Variants in ANKRD12 observed in about 807,000 individuals in gnomAD.
The protein encoded by ANKRD12 is ankyrin repeat domain-containing protein 12.
In ANKRD12, 85 loss-of-function variants were observed where a neutral mutation model predicts 183.4. The ratio of observed to expected loss-of-function variants is 0.46; its 90% CI spans 0.39 to 0.56. The LOEUF (loss-of-function observed/expected upper bound fraction) is 0.56, where lower values mean the gene tolerates loss of function less well. ANKRD12 is among the 20% of genes least tolerant of loss of function. The pLI, the probability that ANKRD12 is intolerant of heterozygous loss-of-function variation, is 0.00. For synonymous variants in ANKRD12, 914 were observed against 800.2 expected (o/e 1.14, Z -2.40); for missense variants, 2,405 against 2,357.1 (o/e 1.02, Z -0.42).
At position 9,256,412 on chromosome 18, in the gene ANKRD12, G is replaced by T; in HGVS notation, c.3145G>T (p.Ala1049Ser). Residue 1049 changes from alanine to serine, a missense_variant, in exon 9 of 13, where the codon GCA (alanine) becomes TCA (serine). Transcript: ENST00000262126. The stretch of plus-strand genomic sequence containing the variant: ...TAGCTTACTCAAACTAAAATCTGAA[G>T]CAGATAAGCCTAAACCTAAGTCATC... Reference protein sequence around the residue: ...INSLLKLKSEADKPKPKSSPA... With the variant: ...INSLLKLKSESDKPKPKSSPA... 2 of 1,610,490 alleles carry T rather than the reference G, an allele frequency of 1.2e-6. No homozygotes were observed. Among genetic ancestry groups the T allele is most frequent in the Non-Finnish European group, 1.7e-6 (2 of 1,179,034 alleles).
intron 6 of ANKRD12, among the ~76,000 whole-genome samples, chr18:9,213,108 G>T (rs2035900643): frequency 6.6e-6 from 1 of 151,746 alleles, no homozygotes; most frequent in Admixed American, 6.6e-5. Context: ...TCTTGGTTTG[G>T]TATTTTATTT....
chr18:9,207,995 T>TGATG (rs2144593646), intron 4 of ANKRD12, among the ~76,000 whole-genome samples: 1 of 152,334 alleles, frequency 6.6e-6, no homozygotes, highest in South Asian at 2.1e-4. Context: ...GCTAACTTGA[T>TGATG]GATGGGTCAG....
chr18:9,256,973 G>T lies in ANKRD12; in HGVS notation c.3706G>T (p.Glu1236Ter), dbSNP rs764725509. Residue 1236 changes from glutamate (E) to a stop codon, truncating the protein, a stop_gained, in exon 9 of 13, where the codon GAG becomes TAG. Transcript: ENST00000262126. LOFTEE classifies it high-confidence loss of function. ...TGAGTATGACTCTGACTTTATGTTA[G>T]AGAGTTCAGAATCCCAAATGTCCTT... ...PVEYDSDFML[E>*]SSESQMSFSQ... 1 of 1,614,092 alleles carries T rather than the reference G, an allele frequency of 6.2e-7. No homozygotes were observed.
chr18:9,233,592 A>G (rs1263179247), intron 8 of ANKRD12, among the ~76,000 whole-genome samples: 1 of 152,038 alleles, frequency 6.6e-6, no homozygotes, highest in African/African-American at 2.4e-5. Flanking sequence ...CCCAAAGATT[A>G]TATCAATGGT....
chr18:9,209,099 T>C (rs2035639399), intron 5 of ANKRD12, among the ~76,000 whole-genome samples: 3 of 152,214 alleles, frequency 2.0e-5, no homozygotes, highest in Admixed American at 6.5e-5. Flanking sequence ...TTAACAGTCA[T>C]TTTATATTTC....
chr18:9,281,792 G>A lies in ANKRD12; in HGVS notation c.*666G>A, dbSNP rs760706280. The stretch of plus-strand genomic sequence containing the variant: ...ACCAAAGTTGTGGTTTGTATGGAGT[G>A]TAGTAGTAGTGTGTACAGGTAGAAA... On this transcript the variant is annotated 3_prime_UTR_variant, in exon 13 of 13. Coordinates refer to ENST00000262126, the MANE Select transcript of ANKRD12 (RefSeq NM_015208.5). The A allele has an allele frequency of 1.3e-5, 2 of 152,646 alleles. No individual in the cohort carries two copies. The highest frequency in any genetic ancestry group is 2.4e-5 in the African/African-American group (1 of 41,446). 9.5% of individuals were successfully genotyped at this position (152,646 alleles called of 1,614,324 possible).
At chr18:9,172,947 G>A (rs192778379) in intron 1 of ANKRD12, among the ~76,000 whole-genome samples, 2 of 151,928 alleles carry the variant, frequency 1.3e-5, no homozygotes, top group East Asian at 3.9e-4. Flanking sequence ...TGTTGCCCAG[G>A]CTAGAGTACA....
At chr18:9,176,827 C>T (rs2033309107) in intron 1 of ANKRD12, among the ~76,000 whole-genome samples, 3 of 151,330 alleles carry the variant, frequency 2.0e-5, no homozygotes, top group Non-Finnish European at 4.4e-5. Flanking sequence ...AGTAGTTATG[C>T]CATTTAAAAA....
At chr18:9,137,423 C>CGTGCGA (rs2078148216) in intron 1 of ANKRD12, 1 of 146,296 alleles carries the variant, frequency 6.8e-6, no homozygotes, top group South Asian at 2.1e-4. Flanking sequence ...GGAGCGTGTG[C>CGTGCGA]GTGCGAGTGT....
At chr18:9,163,756 G>A (rs2031721074) in intron 1 of ANKRD12, among the ~76,000 whole-genome samples, 1 of 151,962 alleles carries the variant, frequency 6.6e-6, no homozygotes, top group African/African-American at 2.4e-5. Context: ...CACCTCCCTT[G>A]TTGTATTCCT....
intron 8 of ANKRD12, among the ~76,000 whole-genome samples, chr18:9,241,641 G>T (rs150631902): frequency 1.1e-4 from 16 of 152,322 alleles, no homozygotes; most frequent in African/African-American, 3.4e-4. Context: ...TGAGCATACA[G>T]CATGGTAGGC....
intron 1 of ANKRD12, among the ~76,000 whole-genome samples, chr18:9,175,468 T>C (rs1221752792): frequency 1.4e-5 from 2 of 148,144 alleles, no homozygotes; most frequent in African/African-American, 4.9e-5. Context: ...TCCACAGAAA[T>C]GGTCCCAAGG....
intron 10 of ANKRD12, 49 bp from the exon 11 acceptor site, chr18:9,275,471 TAAAC>T: frequency 2.6e-6 from 4 of 1,563,062 alleles, no homozygotes; most frequent in Admixed American, 1.7e-5. Flanking sequence ...AGACTGTTCT[TAAAC>T]AAAAATTTGT....
chr18:9,273,795 C>T, intron 10 of ANKRD12, among the ~76,000 whole-genome samples: 1 of 152,206 alleles, frequency 6.6e-6, no homozygotes. Context: ...TCACCTTAGC[C>T]TCCCAGAGCA....
intron 9 of ANKRD12, among the ~76,000 whole-genome samples, chr18:9,261,545 G>A (rs796555185): frequency 3.0e-4 from 46 of 152,318 alleles, no homozygotes; most frequent in African/African-American, 1.0e-3. Context: ...CATTTACAGA[G>A]TAGACTGCAG....
intron 12 of ANKRD12, among the ~76,000 whole-genome samples, chr18:9,280,267 G>A (rs1283495184): frequency 6.6e-6 from 1 of 152,114 alleles, no homozygotes; most frequent in East Asian, 1.9e-4. Context: ...AATAGGGTTT[G>A]AGCTGCTATG....
rs2038785857 is a variant in ANKRD12 at position 9,258,631 on chromosome 18, AGT to A, written c.5367_5368del (p.Ser1790ThrfsTer34). ...PQIHHPRKRK[V>X]SRVPQPVQVS... is the part of the protein sequence containing the mutation. Reference sequence around the variant, plus strand: ...AAATTCACCATCCACGGAAAAGGAAAGTGTCACGTGTACCTCAGCCTGTGCAA... The same window carrying A: ...AAATTCACCATCCACGGAAAAGGAAAGTCACGTGTACCTCAGCCTGTGCAA... On this transcript the variant is annotated frameshift_variant, in exon 9 of 13. Transcript: ENST00000262126. LOFTEE classifies it high-confidence loss of function. 1 of 1,613,836 alleles carries A rather than the reference AGT, an allele frequency of 6.2e-7. No individual in the cohort carries two copies.
intron 3 of ANKRD12, among the ~76,000 whole-genome samples, chr18:9,202,987 C>A (rs899080372): frequency 4.6e-5 from 7 of 152,140 alleles, no homozygotes; most frequent in African/African-American, 9.7e-5. Flanking sequence ...GTGGTTTAAT[C>A]TATTAAAATA....
intron 3 of ANKRD12, 72 bp downstream of exon 3, chr18:9,195,770 ACTC>A: frequency 7.7e-7 from 1 of 1,295,050 alleles, no homozygotes; most frequent in Non-Finnish European, 1.1e-6. Flanking sequence ...CTTGTACACC[ACTC>A]CTCTTGACAC....
Sources: gnomAD v4.1 joint callset for allele counts (sites outside exome capture counted in the v4.1 genomes callset) on GRCh38, gnomAD v4.1.1 for gene constraint, MANE v1.5 for transcripts, NCBI Gene and HGNC (gene_info 2026-07-23, HGNC 2026-07-21) for gene names.